CELF4: variants seen among roughly 807,000 people sequenced by gnomAD.
CELF4 encodes CUG-BP- and ETR-3-like factor 4.
In CELF4, 18 loss-of-function variants were observed where a neutral mutation model predicts 59.9. That is an observed-to-expected ratio of 0.30 (90% CI 0.21 to 0.45). The LOEUF is 0.45. Ranked by LOEUF, CELF4 falls within the 20% of genes least tolerant of loss-of-function variation. The pLI is 1.00. For synonymous variants in CELF4, 261 were observed against 267.1 expected (o/e 0.98, Z 0.22); for missense variants, 456 against 689.0 (o/e 0.66, Z 3.79).
intron 3 of CELF4, among the ~76,000 whole-genome samples, chr18:37,280,565 T>C (rs4525566): frequency 0.3 from 46,113 of 152,036 alleles, 7,216 homozygotes; most frequent in Middle Eastern, 0.37. Flanking sequence ...AGGCTAGAAG[T>C]GGGAGGAGAA....
chr18:37,322,620 T>A lies in CELF4; in HGVS notation c.370-739A>T, dbSNP rs2097162844. Among the ~76,000 whole-genome samples the A allele has an allele frequency of 2.0e-5, 3 of 151,976 alleles. No homozygotes were observed. The South Asian group carries it at 6.2e-4, about 32-fold the overall frequency. ...AATGGCCCATTCAGGGCACTAGGGG[T>A]CTCTGGACTCCAAGCATCCCGGGCT... On this transcript the variant is annotated intron_variant, in intron 2 of 12. Coordinates refer to ENST00000420428, the MANE Select transcript of CELF4 (RefSeq NM_020180.4).
Position 37,487,482 on chromosome 18 carries a change from CTCCTCCTCCCTCTCCCG to C in CELF4, c.287-1892_287-1876del, listed in dbSNP as rs1448884015. ...CTCCCTTCCTCCAGACCCCAGATCA[CTCCTCCTCCCTCTCCCG>C]TCCTCCTCCCTCCTGGTCACTGGCA... On this transcript the variant is annotated intron_variant, in intron 1 of 12. Transcript: ENST00000420428. Among the ~76,000 whole-genome samples the C allele has an allele frequency of 1.4e-4, 22 of 152,300 alleles. 1 individual carries two copies. The South Asian group carries it at 4.0e-3, about 27-fold the overall frequency.
intron 2 of CELF4, among the ~76,000 whole-genome samples, chr18:37,427,808 CA>C: frequency 6.6e-6 from 1 of 152,354 alleles, no homozygotes; most frequent in Middle Eastern, 3.4e-3. Context: ...TCCAGTCCTG[CA>C]GAGTTCTCCA....
intron 3 of CELF4, chr18:37,305,478 C>G (rs2096336893): frequency 6.6e-6 from 1 of 152,274 alleles, no homozygotes; most frequent in Non-Finnish European, 1.5e-5. Context: ...GTTCCTCTGT[C>G]TAGAGTGTAA....
intron 2 of CELF4, among the ~76,000 whole-genome samples, chr18:37,354,575 C>T (rs558883012): frequency 6.6e-5 from 10 of 152,340 alleles, no homozygotes; most frequent in South Asian, 2.1e-4. Context: ...TCTCAGCAAA[C>T]GCTTTTGAAT....
chr18:37,527,125 A>G (rs2099964792), intron 1 of CELF4, among the ~76,000 whole-genome samples: 1 of 152,098 alleles, frequency 6.6e-6, no homozygotes, highest in African/African-American at 2.4e-5. Flanking sequence ...TTGCAAGAAT[A>G]TAAGCTAAAT....
intron 2 of CELF4, among the ~76,000 whole-genome samples, chr18:37,364,047 C>T (rs2098743972): frequency 6.6e-6 from 1 of 152,226 alleles, no homozygotes; most frequent in African/African-American, 2.4e-5. Flanking sequence ...GGGGCACAGC[C>T]TCTTTGCCTG....
chr18:37,400,538 C>T (rs560634734), intron 2 of CELF4, among the ~76,000 whole-genome samples: 124 of 152,290 alleles, frequency 8.1e-4, no homozygotes, highest in Admixed American at 1.4e-3. Context: ...TTCCAGTAAA[C>T]GGAGAAGAAT....
chr18:37,316,229 T>C (rs1368200635), intron 3 of CELF4, among the ~76,000 whole-genome samples: 1 of 152,124 alleles, frequency 6.6e-6, no homozygotes, highest in South Asian at 2.1e-4. Flanking sequence ...CCAGCTGCCA[T>C]GTTCAGGGCA....
At chr18:37,306,422 G>A (rs2096407918) in intron 3 of CELF4, 1 of 152,440 alleles carries the variant, frequency 6.6e-6, no homozygotes, top group East Asian at 1.9e-4. Context: ...GTGACTTGCT[G>A]TGGATGTGTT....
intron 1 of CELF4, among the ~76,000 whole-genome samples, chr18:37,502,944 A>G (rs1452923153): frequency 6.6e-6 from 1 of 152,208 alleles, no homozygotes; most frequent in Non-Finnish European, 1.5e-5. Flanking sequence ...GAGCCTTTGC[A>G]TTAGCTGCCC....
At chr18:37,363,730 C>T (rs901649374) in intron 2 of CELF4, among the ~76,000 whole-genome samples, 3 of 152,208 alleles carry the variant, frequency 2.0e-5, no homozygotes, top group Non-Finnish European at 2.9e-5. Flanking sequence ...AGGCTCTGAG[C>T]TTGCTATCCT....
At chr18:37,273,201 C>T in intron 6 of CELF4, 38 bp from the exon 7 acceptor site, 1 of 1,589,028 alleles carries the variant, frequency 6.3e-7, no homozygotes, top group Non-Finnish European at 8.6e-7. Context: ...CACGTGCTTC[C>T]AGGGGGCATC....
chr18:37,245,371 T>C lies in CELF4; in HGVS notation c.*45-174A>G, dbSNP rs996734232. ...ATGATCATGATACATTAAAAAGAAATATACTCTTCTATTCAGAGTAGAAAC... is the reference window on the plus strand; with the variant it reads ...ATGATCATGATACATTAAAAAGAAACATACTCTTCTATTCAGAGTAGAAAC... On this transcript the variant is annotated intron_variant, in intron 12 of 12. Transcript: ENST00000420428. This position sits in a 1 kb window ranked among gnomAD's most constrained non-coding sequence, Gnocchi z 4.1. 3.3e-5 allele frequency among the ~76,000 whole-genome samples: 5 copies of C among 151,958 alleles called. No individual in the cohort carries two copies. Among genetic ancestry groups the C allele is most frequent in the Non-Finnish European group, 7.4e-5 (5 of 68,018 alleles).
At chr18:37,290,995 C>T (rs888931352) in intron 3 of CELF4, among the ~76,000 whole-genome samples, 7 of 152,186 alleles carry the variant, frequency 4.6e-5, no homozygotes, top group East Asian at 1.9e-4. Flanking sequence ...CCGCAACCTC[C>T]GCCTCCCGGG....
chr18:37,272,957 G>A lies in CELF4; in HGVS notation c.949+59C>T. On this transcript the variant is annotated intron_variant, in intron 7 of 12. Transcript: ENST00000420428. ...CGCTGGTAGCTGAAATTAGGTCCCA[G>A]CCTGGGGCCAGCTGTTCTCCCACCG... is the stretch of plus-strand genomic sequence containing the variant. 3.9e-6 allele frequency: 6 copies of A among 1,529,828 alleles called. No homozygotes were observed. The South Asian group carries it at 7.1e-5, about 18-fold the overall frequency. 94.8% of individuals were successfully genotyped at this position (1,529,828 alleles called of 1,614,324 possible). A position where few individuals can be genotyped will look rare whatever the true frequency, so the allele number is the denominator to read the frequency against.
chr18:37,274,864 A>G lies in CELF4; in HGVS notation c.598T>C (p.Ser200Pro). 1 of 1,608,112 alleles carries G rather than the reference A, an allele frequency of 6.2e-7. No individual in the cohort carries two copies. Among genetic ancestry groups the G allele is most frequent in the Non-Finnish European group, 8.5e-7 (1 of 1,178,184 alleles). ...GCGGCCTGCGCCTCGGCGTGGGAGG[A>G]GTACTTCACAAAGGCGCACCCTGCG... ...NSKGCAFVKY[S>P]SHAEAQAAIN... Residue 200 changes from serine (S) to proline (P), a missense_variant, in exon 5 of 13, where the codon TCC (serine) becomes CCC (proline). Coordinates refer to ENST00000420428, the MANE Select transcript of CELF4 (RefSeq NM_020180.4).
At chr18:37,503,710 T>C (rs1460955871) in intron 1 of CELF4, among the ~76,000 whole-genome samples, 1 of 152,226 alleles carries the variant, frequency 6.6e-6, no homozygotes, top group Non-Finnish European at 1.5e-5. Context: ...CAGTTTTCCC[T>C]TCCATCAAAT....
intron 2 of CELF4, among the ~76,000 whole-genome samples, chr18:37,380,496 C>A (rs1272396614): frequency 6.6e-6 from 1 of 152,184 alleles, no homozygotes; most frequent in African/African-American, 2.4e-5. Flanking sequence ...ACCTAGCATC[C>A]ATTATTAATC....
Sources: allele counts gnomAD v4.1 joint callset (sites outside exome capture counted in the v4.1 genomes callset), GRCh38; gene constraint gnomAD v4.1.1; non-coding constraint Gnocchi (gnomAD v3.1); transcripts MANE v1.5; gene names NCBI Gene and HGNC (gene_info 2026-07-23, HGNC 2026-07-21).